CELF2: variants seen among roughly 807,000 people sequenced by gnomAD.
CELF2 encodes the protein CUG triplet repeat RNA-binding protein 2.
A neutral mutation model predicts 62.6 loss-of-function variants in CELF2; 8 were observed. The observed-to-expected ratio is 0.13, with a 90% CI of 0.07 to 0.23. The LOEUF (loss-of-function observed/expected upper bound fraction) is 0.23, where lower values mean the gene tolerates loss of function less well. Ranked by LOEUF, CELF2 falls within the 10% of genes least tolerant of loss-of-function variation. The probability of loss-of-function intolerance (pLI) is 1.00; values close to 1 mark genes in which losing one functional copy is unlikely to be tolerated. For synonymous variants in CELF2, 258 were observed against 250.0 expected, an observed-to-expected ratio of 1.03 and a Z score of -0.30; for missense variants, 333 against 671.0, an observed-to-expected ratio of 0.50 and a Z score of 5.56.
At chr10:10,973,082 G>A (rs1481365777) in intron 2 of CELF2, among the ~76,000 whole-genome samples, 1 of 152,066 alleles carries the variant, frequency 6.6e-6, no homozygotes, top group African/African-American at 2.4e-5. Flanking sequence ...TCACGGTCAG[G>A]AGTTCGAGAC....
chr10:10,575,653 C>T, the CELF2 span, among the ~76,000 whole-genome samples: 1 of 152,188 alleles, frequency 6.6e-6, no homozygotes, highest in African/African-American at 2.4e-5. Context: ...AGCTTAGCTT[C>T]CCTCTGGCTA....
chr10:10,905,584 A>C (rs1236937360), intron 1 of CELF2, among the ~76,000 whole-genome samples: 2 of 148,056 alleles, frequency 1.4e-5, no homozygotes, highest in Non-Finnish European at 3.0e-5. Flanking sequence ...TCTCTACTTA[A>C]AAAAAAAAAA....
At chr10:10,518,505 T>C in the CELF2 span, among the ~76,000 whole-genome samples, 369 of 152,312 alleles carry the variant, frequency 2.4e-3, 4 homozygotes, top group African/African-American at 8.6e-3. Flanking sequence ...ATGGGATCTT[T>C]AGTATTATGA....
chr10:10,845,838 G>A (rs2058980341), intron 1 of CELF2, among the ~76,000 whole-genome samples: 1 of 152,072 alleles, frequency 6.6e-6, no homozygotes, highest in Non-Finnish European at 1.5e-5. Flanking sequence ...ATACCTGCTG[G>A]ATTAAGATTA....
intron 9 of CELF2, among the ~76,000 whole-genome samples, chr10:11,299,633 G>A (rs17150094): frequency 0.26 from 40,164 of 152,062 alleles, 7,964 homozygotes; most frequent in African/African-American, 0.56. Context: ...TGTGATCCAC[G>A]TGAGGAAAAC....
At position 11,011,690 on chromosome 10, in the gene CELF2, T is replaced by C. The variant is rs1282045336; in HGVS notation, c.53+6250T>C. On this transcript the variant is annotated intron_variant, in intron 1 of 12. Transcript: ENST00000416382. The surrounding 1 kb of genome is among the most constrained non-coding windows in gnomAD (Gnocchi z 4.6). ...GGACAAGATAGAACATACTCCACTC[T>C]GTATAGCTTGACTAGGTAGCTATAC... is the stretch of plus-strand genomic sequence containing the variant. 1.1e-5 allele frequency among the ~76,000 whole-genome samples: 1 copy of C among 93,108 alleles called. No homozygotes were observed. Among genetic ancestry groups the C allele is most frequent in the African/African-American group, 2.0e-4 (1 of 4,898 alleles). The allele number at this position is 93,108 out of a possible 152,430, so 61.1% of individuals were successfully genotyped here. A position where few individuals can be genotyped will look rare whatever the true frequency, so the allele number is the denominator to read the frequency against.
intron 1 of CELF2, among the ~76,000 whole-genome samples, chr10:10,828,327 G>A (rs150496146): frequency 1.3e-5 from 2 of 152,298 alleles, no homozygotes; most frequent in East Asian, 3.9e-4. Flanking sequence ...ATATTATTCA[G>A]CCTCAAAAAA....
chr10:11,064,930 C>G (rs1236549616), intron 1 of CELF2, among the ~76,000 whole-genome samples: 2 of 152,168 alleles, frequency 1.3e-5, no homozygotes, highest in Non-Finnish European at 2.9e-5. Flanking sequence ...CAGGCCCAGT[C>G]TCCATTTCAG....
intron 2 of CELF2, among the ~76,000 whole-genome samples, chr10:11,190,032 A>T (rs547097228): frequency 6.6e-6 from 1 of 152,316 alleles, no homozygotes; most frequent in East Asian, 1.9e-4. Flanking sequence ...GCACATTTTT[A>T]ACACATTTGC....
intron 2 of CELF2, among the ~76,000 whole-genome samples, chr10:10,988,372 G>C (rs1027304219): frequency 1.3e-5 from 2 of 151,916 alleles, no homozygotes; most frequent in East Asian, 3.9e-4. Context: ...CAGCAACTTG[G>C]TTGGAGCCAG....
intron 1 of CELF2, among the ~76,000 whole-genome samples, chr10:11,131,141 A>T (rs932580885): frequency 1.2e-4 from 18 of 152,260 alleles, no homozygotes; most frequent in African/African-American, 4.3e-4. Context: ...ATTTCTTCAA[A>T]ACACTTGGCA....
At chr10:10,969,044 C>T (rs182284612) in intron 2 of CELF2, among the ~76,000 whole-genome samples, 5 of 152,146 alleles carry the variant, frequency 3.3e-5, no homozygotes, top group South Asian at 4.1e-4. Flanking sequence ...ATTATGATTG[C>T]GATGATGATT....
intron 1 of CELF2, among the ~76,000 whole-genome samples, chr10:10,824,707 A>G (rs1287941846): frequency 6.6e-6 from 1 of 152,250 alleles, no homozygotes; most frequent in Non-Finnish European, 1.5e-5. Flanking sequence ...CTGTTGCTGC[A>G]CAGACTGTGC....
At chr10:11,322,496 A>G (rs1435784712) in intron 11 of CELF2, among the ~76,000 whole-genome samples, 4 of 152,204 alleles carry the variant, frequency 2.6e-5, no homozygotes, top group South Asian at 2.1e-4. Context: ...TTGTTTAAAT[A>G]TGGGATAAAA....
At chr10:11,033,360 C>G (rs191249027) in intron 1 of CELF2, among the ~76,000 whole-genome samples, 1 of 151,734 alleles carries the variant, frequency 6.6e-6, no homozygotes, top group Non-Finnish European at 1.5e-5. Context: ...CAGGTTCAAG[C>G]GATTCTCGTG....
chr10:11,035,652 T>C (rs2060826672), intron 1 of CELF2, among the ~76,000 whole-genome samples: 1 of 152,238 alleles, frequency 6.6e-6, no homozygotes. Context: ...CTAATTGCTC[T>C]TTCTCCTACC....
intron 6 of CELF2, 65 bp downstream of exon 6, chr10:11,266,742 C>G: frequency 1.5e-6 from 2 of 1,315,238 alleles, no homozygotes; most frequent in Non-Finnish European, 2.2e-6. Context: ...TAAAGCAATT[C>G]TCTCCTGTGT....
chr10:10,711,162 CA>C, the CELF2 span, among the ~76,000 whole-genome samples: 17 of 152,206 alleles, frequency 1.1e-4, no homozygotes, highest in African/African-American at 3.9e-4. Context: ...TAGACATTGC[CA>C]AATCACCCCC....
the CELF2 span, among the ~76,000 whole-genome samples, chr10:10,674,574 G>A: frequency 6.6e-6 from 1 of 151,932 alleles, no homozygotes; most frequent in East Asian, 1.9e-4. Context: ...TTTCCTTTTT[G>A]TTGCTATTGT....
Sources: allele counts gnomAD v4.1 joint callset (sites outside exome capture counted in the v4.1 genomes callset), GRCh38; gene constraint gnomAD v4.1.1; non-coding constraint Gnocchi (gnomAD v3.1); transcripts MANE v1.5; gene names NCBI Gene and HGNC (gene_info 2026-07-23, HGNC 2026-07-21).